The following PTPRD variants were observed in gnomAD, a reference collection of about 807,000 sequenced individuals.
The protein encoded by PTPRD is protein tyrosine phosphatase receptor type D.
In PTPRD, 34 loss-of-function variants were observed where a neutral mutation model predicts 214.5. The observed-to-expected ratio is 0.16, with a 90% CI of 0.12 to 0.21. The LOEUF (loss-of-function observed/expected upper bound fraction) is 0.21. PTPRD is among the 10% of genes least tolerant of loss of function. The pLI is 1.00. For synonymous variants in PTPRD, 1,128 were observed against 845.7 expected (o/e 1.33, Z -5.79); for missense variants, 2,545 against 2,398.7 (o/e 1.06, Z -1.27).
chr9:10,019,314 T>G (rs2096794162), intron 4 of PTPRD, among the ~76,000 whole-genome samples: 1 of 152,114 alleles, frequency 6.6e-6, no homozygotes, highest in Admixed American at 6.5e-5. Flanking sequence ...TAGGAACACT[T>G]TTACACTGTT....
intron 3 of PTPRD, among the ~76,000 whole-genome samples, chr9:10,292,597 G>T (rs1247092352): frequency 1.3e-5 from 2 of 151,914 alleles, no homozygotes; most frequent in East Asian, 1.9e-4. Context: ...GGAACCAACT[G>T]TTATTTTTGG....
At chr9:8,485,157 A>G in intron 29 of PTPRD, 70 bp downstream of exon 29, 4 of 1,347,260 alleles carry the variant, frequency 3.0e-6, no homozygotes, top group South Asian at 2.5e-5. Flanking sequence ...TGCTGTGCAA[A>G]TAACTTACCC....
intron 3 of PTPRD, among the ~76,000 whole-genome samples, chr9:10,338,228 G>T (rs1366694826): frequency 6.6e-6 from 1 of 151,552 alleles, no homozygotes; most frequent in Non-Finnish European, 1.5e-5. Context: ...TGGCTACCAG[G>T]AGTCATGTAT....
intron 31 of PTPRD, 132 bp from the exon 32 acceptor site, chr9:8,465,807 T>G: frequency 7.3e-6 from 5 of 682,088 alleles, no homozygotes; most frequent in Non-Finnish European, 1.2e-5. Flanking sequence ...ATATAGCACA[T>G]CAGCATCACT....
chr9:10,150,606 T>C (rs2099054402), intron 3 of PTPRD, among the ~76,000 whole-genome samples: 1 of 151,014 alleles, frequency 6.6e-6, no homozygotes, highest in Non-Finnish European at 1.5e-5. Flanking sequence ...CATGTATACA[T>C]ATGTAACAAA....
chr9:8,646,223 C>G (rs986997194), intron 12 of PTPRD, among the ~76,000 whole-genome samples: 1 of 152,196 alleles, frequency 6.6e-6, no homozygotes, highest in African/African-American at 2.4e-5. Context: ...AGCTTCCCAT[C>G]TGGTCACTCT....
chr9:10,448,000 G>T (rs1442822510), intron 2 of PTPRD, among the ~76,000 whole-genome samples: 1 of 151,998 alleles, frequency 6.6e-6, no homozygotes, highest in African/African-American at 2.4e-5. Context: ...GTGTGTGAGT[G>T]TGTGTGTTTG....
chr9:9,871,376 A>T lies in PTPRD; in HGVS notation c.-368+67131T>A, dbSNP rs573650883. On this transcript the variant is annotated intron_variant, in intron 5 of 45. Coordinates refer to ENST00000381196, the MANE Select transcript of PTPRD (RefSeq NM_002839.4). ...GAAGTTTAATTTCATGTAGTCTTGT[A>T]TCCTTGATGGAGCCTTGTCTATTCT... Among the ~76,000 whole-genome samples the T allele has an allele frequency of 3.9e-5, 6 of 152,306 alleles. No individual in the cohort carries two copies. The East Asian group carries it at 1.2e-3, about 29-fold the overall frequency.
At chr9:10,143,215 G>A (rs1428430582) in intron 3 of PTPRD, among the ~76,000 whole-genome samples, 1 of 151,936 alleles carries the variant, frequency 6.6e-6, no homozygotes, top group Non-Finnish European at 1.5e-5. Context: ...CATGGCACAT[G>A]TATACATATG....
intron 2 of PTPRD, among the ~76,000 whole-genome samples, chr9:10,392,694 C>A (rs764958163): frequency 2.0e-5 from 3 of 151,646 alleles, no homozygotes; most frequent in Admixed American, 6.6e-5. Context: ...CGGAATTCTG[C>A]CAGAATATTA....
intron 9 of PTPRD, among the ~76,000 whole-genome samples, chr9:9,381,150 C>G (rs750156324): frequency 5.3e-5 from 8 of 151,956 alleles, no homozygotes; most frequent in Non-Finnish European, 7.4e-5. Context: ...CAATCTCTGT[C>G]TTTTAATTTG....
intron 9 of PTPRD, among the ~76,000 whole-genome samples, chr9:9,358,749 A>C (rs936376962): frequency 7.3e-5 from 11 of 151,336 alleles, no homozygotes; most frequent in Non-Finnish European, 1.3e-4. Context: ...CCTGAATCAG[A>C]TTCAGTCTTT....
At chr9:9,998,234 C>G (rs149604502) in intron 4 of PTPRD, among the ~76,000 whole-genome samples, 1 of 150,712 alleles carries the variant, frequency 6.6e-6, no homozygotes, top group East Asian at 2.0e-4. Flanking sequence ...GGAGACAGAA[C>G]TGCCCTCGGA....
intron 35 of PTPRD, among the ~76,000 whole-genome samples, chr9:8,431,874 T>C (rs2095078027): frequency 6.6e-6 from 1 of 152,234 alleles, no homozygotes; most frequent in East Asian, 1.9e-4. Context: ...CCTCTTTTTC[T>C]ATTGTTTGTA....
At chr9:9,193,587 T>A (rs2099936547) in intron 9 of PTPRD, among the ~76,000 whole-genome samples, 1 of 152,202 alleles carries the variant, frequency 6.6e-6, no homozygotes, top group Non-Finnish European at 1.5e-5. Context: ...ACACATCATG[T>A]TACCATGCTG....
intron 2 of PTPRD, among the ~76,000 whole-genome samples, chr9:10,560,119 C>T (rs909950777): frequency 2.6e-4 from 39 of 152,010 alleles, no homozygotes; most frequent in African/African-American, 8.7e-4. Context: ...GTATGTTTAT[C>T]GCGGCACTAT....
chr9:9,854,639 C>A (rs1490929089), intron 5 of PTPRD, among the ~76,000 whole-genome samples: 1 of 151,448 alleles, frequency 6.6e-6, no homozygotes, highest in Non-Finnish European at 1.5e-5. Flanking sequence ...GAAATGATGC[C>A]CACCATATTT....
intron 8 of PTPRD, among the ~76,000 whole-genome samples, chr9:9,511,694 T>C (rs1256740574): frequency 6.6e-6 from 1 of 151,832 alleles, no homozygotes; most frequent in Non-Finnish European, 1.5e-5. Context: ...TTCTCAAATG[T>C]TTATTAATTC....
At chr9:9,237,961 A>T (rs2099967986) in intron 9 of PTPRD, among the ~76,000 whole-genome samples, 1 of 151,844 alleles carries the variant, frequency 6.6e-6, no homozygotes, top group Non-Finnish European at 1.5e-5. Context: ...GCCTTTTGTC[A>T]CCTTTGATTT....
Sources: gnomAD v4.1 joint callset for allele counts (sites outside exome capture counted in the v4.1 genomes callset) on GRCh38, gnomAD v4.1.1 for gene constraint, MANE v1.5 for transcripts, NCBI Gene and HGNC (gene_info 2026-07-23, HGNC 2026-07-21) for gene names.